ITGA2: variants seen among roughly 807,000 people sequenced by gnomAD.
ITGA2 encodes the protein integrin subunit alpha 2.
ITGA2 carries 101 observed loss-of-function variants against 146.3 expected under a neutral mutation model. That is an observed-to-expected ratio of 0.69 (90% CI 0.59 to 0.81). The LOEUF is 0.81. ITGA2 is among the 40% of genes least tolerant of loss of function. ITGA2 has a pLI of 0.00. For missense variants in ITGA2, 1,281 were observed against 1,402.7 expected (o/e 0.91, Z 1.39); for synonymous variants, 477 against 487.1 (o/e 0.98, Z 0.27).
rs547676151 is a variant in ITGA2 at position 53,049,343 on chromosome 5, C to T, written c.630+573C>T. Among the ~76,000 whole-genome samples the T allele has an allele frequency of 9.2e-5, 14 of 152,200 alleles. No individual in the cohort carries two copies. In the South Asian group the frequency reaches 2.9e-3, roughly 32 times the overall value. On this transcript the variant is annotated intron_variant, in intron 6 of 29. Transcript: ENST00000296585. ...TAACATTTTAATCTTCCTTTAGTTT[C>T]CTGTCTTTCCCTTCTAACCCATGAG...
chr5:53,081,825 A>C (rs763362342), intron 26 of ITGA2, 129 bp downstream of exon 26: 3 of 661,240 alleles, frequency 4.5e-6, no homozygotes, highest in Non-Finnish European at 8.0e-6. Flanking sequence ...TATATGAGTC[A>C]AGATTTAGAA....
intron 13 of ITGA2, among the ~76,000 whole-genome samples, chr5:53,064,410 C>A (rs1035956693): frequency 6.6e-6 from 1 of 151,860 alleles, no homozygotes; most frequent in African/African-American, 2.4e-5. Context: ...ATATTTATGA[C>A]CTTACTGAAA....
intron 1 of ITGA2, among the ~76,000 whole-genome samples, chr5:53,004,397 A>G (rs1365777420): frequency 6.6e-6 from 1 of 152,150 alleles, no homozygotes; most frequent in Non-Finnish European, 1.5e-5. Flanking sequence ...TATTTTTCAT[A>G]TTGTAAAAGC....
At chr5:53,044,903 A>G (rs1248927520) in intron 3 of ITGA2, 98 bp from the exon 4 acceptor site, 5 of 821,082 alleles carry the variant, frequency 6.1e-6, no homozygotes, top group Non-Finnish European at 1.0e-5. Flanking sequence ...ACTAAATTCA[A>G]TGCTACATGC....
chr5:53,028,564 G>C (rs1347568020), intron 2 of ITGA2, among the ~76,000 whole-genome samples: 2 of 152,200 alleles, frequency 1.3e-5, no homozygotes, highest in African/African-American at 4.8e-5. Flanking sequence ...TTGGAATCTA[G>C]CAGATGAAGT....
chr5:53,006,656 C>G (rs963452848), intron 1 of ITGA2, among the ~76,000 whole-genome samples: 1 of 152,126 alleles, frequency 6.6e-6, no homozygotes, highest in African/African-American at 2.4e-5. Context: ...GGGAATATAT[C>G]AGTGAACAAA....
intron 2 of ITGA2, among the ~76,000 whole-genome samples, chr5:53,040,617 T>C (rs1332023998): frequency 6.6e-6 from 1 of 152,124 alleles, no homozygotes; most frequent in Non-Finnish European, 1.5e-5. Context: ...AGGTAAATTA[T>C]GGTAAATTAT....
intron 1 of ITGA2, among the ~76,000 whole-genome samples, chr5:52,997,149 C>T (rs1009483138): frequency 1.1e-4 from 16 of 152,174 alleles, no homozygotes; most frequent in Middle Eastern, 3.2e-3. Context: ...GCATATTTGG[C>T]TAATGTTTTC....
At chr5:52,992,105 C>T (rs918240079) in intron 1 of ITGA2, among the ~76,000 whole-genome samples, 3 of 152,130 alleles carry the variant, frequency 2.0e-5, no homozygotes, top group Non-Finnish European at 4.4e-5. Context: ...ATGTAACTTC[C>T]CCTCAGTCTG....
chr5:53,044,901 C>G, intron 3 of ITGA2, 100 bp from the exon 4 acceptor site: 1 of 813,182 alleles, frequency 1.2e-6, no homozygotes, highest in South Asian at 1.4e-5. Flanking sequence ...ACACTAAATT[C>G]AATGCTACAT....
chr5:53,072,784 C>A, intron 19 of ITGA2, 89 bp downstream of exon 19: 2 of 1,133,750 alleles, frequency 1.8e-6, no homozygotes, highest in Non-Finnish European at 2.6e-6. Flanking sequence ...TAGAGTTTTT[C>A]TACAAAAGAA....
chr5:53,002,716 A>C (rs1741643605), intron 1 of ITGA2, among the ~76,000 whole-genome samples: 1 of 152,178 alleles, frequency 6.6e-6, no homozygotes, highest in South Asian at 2.1e-4. Context: ...ATCATTTCCA[A>C]AAGGGGCATT....
Position 53,090,770 on chromosome 5 carries a change from G to C in ITGA2, c.*171G>C. Reference sequence around the variant, plus strand: ...AGTTTGGAATGAAGAAATTGTGGGGGGTGGGGGAGGTGCGGGGGGCAGGTA... The same window carrying C: ...AGTTTGGAATGAAGAAATTGTGGGGCGTGGGGGAGGTGCGGGGGGCAGGTA... On this transcript the variant is annotated 3_prime_UTR_variant, in exon 30 of 30. Coordinates refer to ENST00000296585, the MANE Select transcript of ITGA2 (RefSeq NM_002203.4). 1.7e-6 allele frequency: 1 copy of C among 586,734 alleles called. No homozygotes were observed. Among genetic ancestry groups the C allele is most frequent in the Non-Finnish European group, 3.1e-6 (1 of 322,774 alleles). The allele number at this position is 586,734 out of a possible 1,614,324, so 36.3% of individuals were successfully genotyped here.
intron 1 of ITGA2, among the ~76,000 whole-genome samples, chr5:53,021,195 G>C (rs1277549569): frequency 1.3e-5 from 2 of 151,648 alleles, no homozygotes; most frequent in Non-Finnish European, 2.9e-5. Flanking sequence ...ATAAAACTCT[G>C]TCTAGTTTAT....
At chr5:53,074,270 A>C in intron 20 of ITGA2, 115 bp from the exon 21 acceptor site, 1 of 781,620 alleles carries the variant, frequency 1.3e-6, no homozygotes, top group Non-Finnish European at 2.3e-6. Context: ...AAATTATTTC[A>C]GTATGAACCA....
chr5:53,004,801 C>T (rs993463581), intron 1 of ITGA2, among the ~76,000 whole-genome samples: 2 of 149,110 alleles, frequency 1.3e-5, no homozygotes, highest in African/African-American at 5.0e-5. Context: ...TGTTTAAGGA[C>T]TAGAGCCATA....
In ITGA2 at chr5:53,026,211, T is replaced by C. The variant is rs371795336; in HGVS notation, c.65-537T>C. ...AGCTGTGATTTTCTATCTCCTTTGA[T>C]GTAGTCATCAATGCCTTTTCGACAG... On this transcript the variant is annotated intron_variant, in intron 1 of 29. Coordinates refer to ENST00000296585, the MANE Select transcript of ITGA2 (RefSeq NM_002203.4). 5.3e-5 allele frequency among the ~76,000 whole-genome samples: 8 copies of C among 152,338 alleles called. No homozygotes were observed. In the East Asian group the frequency reaches 9.6e-4, roughly 18 times the overall value.
At chr5:53,083,002 G>A (rs1745998009) in intron 26 of ITGA2, among the ~76,000 whole-genome samples, 1 of 137,178 alleles carries the variant, frequency 7.3e-6, no homozygotes, top group Admixed American at 7.7e-5. Context: ...TACAGTTTTG[G>A]GGGGGGTTGG....
At chr5:53,081,410 C>A (rs894061833) in intron 25 of ITGA2, among the ~76,000 whole-genome samples, 182 bp from the exon 26 acceptor site, 1 of 152,152 alleles carries the variant, frequency 6.6e-6, no homozygotes, top group Non-Finnish European at 1.5e-5. Flanking sequence ...ACATCAGGAG[C>A]ATTTAAATAC....
Sources: gnomAD v4.1 joint callset for allele counts (sites outside exome capture counted in the v4.1 genomes callset) on GRCh38, gnomAD v4.1.1 for gene constraint, MANE v1.5 for transcripts, NCBI Gene and HGNC (gene_info 2026-07-23, HGNC 2026-07-21) for gene names.